The following BTBD9 variants were observed in gnomAD, a reference collection of about 807,000 sequenced individuals.
The protein encoded by BTBD9 is BTB domain containing 9.
Under a neutral mutation model 64.3 loss-of-function variants are expected in BTBD9, and 49 were observed. The observed-to-expected ratio is 0.76, with a 90% CI of 0.61 to 0.97. The LOEUF is 0.97. Among genes scored for constraint, BTBD9 ranks in the 50% least tolerant of loss-of-function variants. The probability of loss-of-function intolerance (pLI) is 0.00; values close to 1 mark genes in which losing one functional copy is unlikely to be tolerated. For synonymous variants in BTBD9, 260 were observed against 274.7 expected (o/e 0.95, Z 0.53); for missense variants, 598 against 762.1 (o/e 0.78, Z 2.53).
At chr6:38,497,107 T>A (rs1350448603) in intron 6 of BTBD9, among the ~76,000 whole-genome samples, 1 of 152,156 alleles carries the variant, frequency 6.6e-6, no homozygotes, top group East Asian at 1.9e-4. Context: ...GACAGATGGG[T>A]CTAGACACAT....
chr6:38,230,843 T>C (rs1763582262), intron 9 of BTBD9, among the ~76,000 whole-genome samples: 1 of 152,230 alleles, frequency 6.6e-6, no homozygotes, highest in Non-Finnish European at 1.5e-5. Context: ...CAGAAAGGCC[T>C]TTCTGGCCTA....
chr6:38,584,530 T>C (rs959056145), intron 4 of BTBD9, among the ~76,000 whole-genome samples: 1 of 152,198 alleles, frequency 6.6e-6, no homozygotes, highest in Non-Finnish European at 1.5e-5. Context: ...GCTGGGTTAA[T>C]TACCTTGTGC....
chr6:38,561,941 T>G (rs1366801351), intron 6 of BTBD9, among the ~76,000 whole-genome samples: 2 of 151,916 alleles, frequency 1.3e-5, no homozygotes. Context: ...AAGTTGAAAT[T>G]AGAGAGAGAG....
intron 6 of BTBD9, among the ~76,000 whole-genome samples, chr6:38,512,208 G>A (rs889479601): frequency 5.3e-5 from 8 of 151,976 alleles, no homozygotes; most frequent in Non-Finnish European, 7.4e-5. Flanking sequence ...CCCGATCTCA[G>A]GTGATCTGCC....
Position 38,273,871 on chromosome 6 carries a change from G to A in BTBD9, c.1454+14401C>T, listed in dbSNP as rs141618376. 8.8e-3 allele frequency among the ~76,000 whole-genome samples: 1,341 copies of A among 152,358 alleles called. 10 individuals are homozygous for A. Among genetic ancestry groups the A allele is most frequent in the Middle Eastern group, 0.017 (5 of 294 alleles). On this transcript the variant is annotated intron_variant, in intron 8 of 10. Transcript: ENST00000481247. ...TGGAGGAGAGCGAATTACAAAGCAGGAAGGCAGGGCCTCCTTCTAGGTTGT... is the reference window on the plus strand; with the variant it reads ...TGGAGGAGAGCGAATTACAAAGCAGAAAGGCAGGGCCTCCTTCTAGGTTGT...
In BTBD9 at chr6:38,255,723, C is replaced by T. The variant is rs546022664; in HGVS notation, c.1562+686G>A. Among the ~76,000 whole-genome samples the T allele has an allele frequency of 3.9e-5, 6 of 152,260 alleles. No individual in the cohort carries two copies. In the South Asian group the frequency reaches 8.3e-4, roughly 21 times the overall value. On this transcript the variant is annotated intron_variant, in intron 9 of 10. Coordinates refer to ENST00000481247, the MANE Select transcript of BTBD9 (RefSeq NM_001099272.2). ...ACGAGATGAGATAAATAAATATTGA[C>T]GCTAGCCCTGAGAATGCTATGAGTG...
chr6:38,308,230 G>C (rs984462307), intron 7 of BTBD9, among the ~76,000 whole-genome samples: 1 of 152,190 alleles, frequency 6.6e-6, no homozygotes, highest in African/African-American at 2.4e-5. Context: ...TTGAAATTGA[G>C]GACAGAGGCA....
At chr6:38,298,031 A>AT (rs1470273220) in intron 7 of BTBD9, among the ~76,000 whole-genome samples, 2 of 150,896 alleles carry the variant, frequency 1.3e-5, no homozygotes, top group Non-Finnish European at 3.0e-5. Context: ...TATATTTTTT[A>AT]TTTTTAGTAC....
intron 6 of BTBD9, among the ~76,000 whole-genome samples, chr6:38,447,927 G>A (rs1267266159): frequency 1.3e-5 from 2 of 152,202 alleles, no homozygotes; most frequent in African/African-American, 2.4e-5. Context: ...AGAAAGATAC[G>A]TGGACATTTG....
intron 9 of BTBD9, among the ~76,000 whole-genome samples, chr6:38,233,757 C>A (rs1282133940): frequency 1.3e-5 from 2 of 152,200 alleles, no homozygotes; most frequent in African/African-American, 4.8e-5. Context: ...GGACAGGCAG[C>A]CACCTCCACT....
chr6:38,511,562 C>T (rs889724702), intron 6 of BTBD9, among the ~76,000 whole-genome samples: 2 of 151,460 alleles, frequency 1.3e-5, no homozygotes, highest in East Asian at 2.0e-4. Context: ...AGGCTGGTCT[C>T]GAACTCCTGA....
intron 9 of BTBD9, among the ~76,000 whole-genome samples, chr6:38,223,736 G>A (rs1386522581): frequency 6.6e-6 from 1 of 150,626 alleles, no homozygotes; most frequent in Non-Finnish European, 1.5e-5. Flanking sequence ...TACCATTTCT[G>A]CCAAACATTT....
intron 9 of BTBD9, among the ~76,000 whole-genome samples, chr6:38,194,597 G>A (rs891042881): frequency 2.0e-5 from 3 of 152,188 alleles, no homozygotes; most frequent in Admixed American, 6.5e-5. Context: ...AACAACATGC[G>A]TGTGGCTCTG....
chr6:38,221,229 CACAT>C (rs1174291661), intron 9 of BTBD9, among the ~76,000 whole-genome samples: 7 of 152,288 alleles, frequency 4.6e-5, no homozygotes, highest in Non-Finnish European at 1.0e-4. Flanking sequence ...GTAAAAACTT[CACAT>C]CTACAGCAAC....
At position 38,598,023 on chromosome 6, in the gene BTBD9, T is replaced by A; in HGVS notation, c.72A>T (p.Glu24Asp). The A allele has an allele frequency of 6.2e-7, 1 of 1,613,968 alleles. No individual in the cohort carries two copies. Among genetic ancestry groups the A allele is most frequent in the Non-Finnish European group, 8.5e-7 (1 of 1,179,872 alleles). The stretch of plus-strand genomic sequence containing the variant: ...CCCCAATCAACAAGGCACCAATATG[T>A]TCAGACAAAATGTGCACATGATCAA... ...GEIDHVHILS[E>D]HIGALLIGEE... The change falls in exon 2 of 11, where the codon GAA becomes GAT. Residue 24 changes from glutamate to aspartate, a missense_variant. Glu to Asp is a conservative substitution (Grantham distance 45, BLOSUM62 2). Transcript: ENST00000481247.
At position 38,594,293 on chromosome 6, in the gene BTBD9, G is replaced by A. The variant is rs1325723039; in HGVS notation, c.220C>T (p.Pro74Ser). ...TCTTGGAGAGGAATTTCTGCTTCAG[G>A]CTGAGACTCTCGCATTCCACCATAT... ...LLYGGMRESQ[P>S]EAEIPLQDTT... The change falls in exon 3 of 11, where the codon CCT becomes TCT. Residue 74 changes from proline (P) to serine (S), a missense_variant. By Grantham distance (74) the Pro-to-Ser change is moderately conservative. Coordinates refer to ENST00000481247, the MANE Select transcript of BTBD9 (RefSeq NM_001099272.2). The A allele has an allele frequency of 6.2e-7, 1 of 1,613,586 alleles. No homozygotes were observed. The highest frequency in any genetic ancestry group is 8.5e-7 in the Non-Finnish European group (1 of 1,179,694).
intron 6 of BTBD9, among the ~76,000 whole-genome samples, chr6:38,479,295 C>G (rs1223596058): frequency 6.6e-6 from 1 of 152,154 alleles, no homozygotes; most frequent in Non-Finnish European, 1.5e-5. Flanking sequence ...TGGCCAAACC[C>G]TGGTTAAGCG....
At chr6:38,519,711 A>G (rs1434311203) in intron 6 of BTBD9, among the ~76,000 whole-genome samples, 1 of 152,202 alleles carries the variant, frequency 6.6e-6, no homozygotes, top group Non-Finnish European at 1.5e-5. Context: ...AAGAATCAGG[A>G]ATAAGGAGTG....
rs373397078 is a variant in BTBD9 at position 38,345,085 on chromosome 6, C to T, written c.1163G>A (p.Arg388Gln). ...CACTGTGTTGTGAGTCCCAACAATT[C>T]GAATATACCTGACGGTAAAAAGAAA... Reference protein sequence around the residue: ...YFPARVCRYIRIVGTHNTVNK... With the variant: ...YFPARVCRYIQIVGTHNTVNK... The change falls in exon 7 of 11, where the codon CGA becomes CAA. Residue 388 changes from arginine to glutamine, a missense_variant. Coordinates refer to ENST00000481247, the MANE Select transcript of BTBD9 (RefSeq NM_001099272.2). The T allele has an allele frequency of 6.3e-6, 10 of 1,596,480 alleles. No individual in the cohort carries two copies. The highest frequency in any genetic ancestry group is 2.2e-5 in the South Asian group (2 of 89,562).
Sources: gnomAD v4.1 joint callset for allele counts (sites outside exome capture counted in the v4.1 genomes callset) on GRCh38, gnomAD v4.1.1 for gene constraint, MANE v1.5 for transcripts, NCBI Gene and HGNC (gene_info 2026-07-23, HGNC 2026-07-21) for gene names.